MCM3AP: variants seen among roughly 807,000 people sequenced by gnomAD.
MCM3AP encodes minichromosome maintenance complex component 3 associated protein.
MCM3AP carries 126 observed loss-of-function variants against 184.1 expected under a neutral mutation model. The ratio of observed to expected loss-of-function variants is 0.68; its 90% CI spans 0.59 to 0.79. MCM3AP has a LOEUF of 0.79. Ranked by LOEUF, MCM3AP falls within the 30% of genes least tolerant of loss-of-function variation. The pLI, the probability that MCM3AP is intolerant of heterozygous loss-of-function variation, is 0.00. For missense variants in MCM3AP, 2,496 were observed against 2,479.2 expected, an observed-to-expected ratio of 1.01 and a Z score of -0.14; for synonymous variants, 1,002 against 979.3, an observed-to-expected ratio of 1.02 and a Z score of -0.43.
Position 46,284,101 on chromosome 21 carries a change from C to T in MCM3AP, c.1186G>A (p.Glu396Lys), listed in dbSNP as rs118133821. 2,523 of 1,613,918 alleles carry T rather than the reference C, an allele frequency of 1.6e-3. 2 individuals carry two copies. Among genetic ancestry groups the T allele is most frequent in the Non-Finnish European group, 2.1e-3 (2,420 of 1,179,910 alleles). The change falls in exon 1 of 28, where the codon GAG becomes AAG. Residue 396 changes from glutamate (E) to lysine (K), a missense_variant. Transcript: ENST00000291688. ...TTCTCTCTACTTTCAGTTTCTTCCT[C>T]TTTATTCACACCTGGAATCCGGGAA... ...APSRIPGVNK[E>K]EETESREKKE...
At chr21:46,277,241 T>C (rs570531833) in intron 5 of MCM3AP, among the ~76,000 whole-genome samples, 73 of 152,334 alleles carry the variant, frequency 4.8e-4, no homozygotes, top group Admixed American at 2.7e-3. Context: ...CCATAACCTC[T>C]GCCCCTCGGA....
At chr21:46,269,764 G>A (rs2081157588) in intron 9 of MCM3AP, among the ~76,000 whole-genome samples, 1 of 152,222 alleles carries the variant, frequency 6.6e-6, no homozygotes, top group Admixed American at 6.5e-5. Flanking sequence ...GCTCTGTGCG[G>A]TGGGCCGCGG....
At chr21:46,263,780 C>CAAAAAAAAAAAAAAAAAAAAAAAAAA (rs57674256) in intron 13 of MCM3AP, among the ~76,000 whole-genome samples, 1 of 28,316 alleles carries the variant, frequency 3.5e-5, no homozygotes, top group African/African-American at 1.8e-4. Context: ...GACTCCATCT[C>CAAAAAAAAAAAAAAAAAAAAAAAAAA]AAAAAAAAAA....
At chr21:46,274,036 C>T (rs759632757) in intron 6 of MCM3AP, among the ~76,000 whole-genome samples, 10 of 152,228 alleles carry the variant, frequency 6.6e-5, no homozygotes, top group Non-Finnish European at 1.2e-4. Context: ...TTGCATCTCC[C>T]ACCTCAAAAG....
chr21:46,251,713 AAAAC>A (rs1569060054), intron 19 of MCM3AP, 31 bp from the exon 20 acceptor site: 2 of 1,364,078 alleles, frequency 1.5e-6, no homozygotes, highest in Admixed American at 4.2e-5. Flanking sequence ...AAAAACAAAA[AAAAC>A]ACTTGAAGAA....
intron 26 of MCM3AP, among the ~76,000 whole-genome samples, chr21:46,240,245 G>A (rs1414590671): frequency 6.6e-6 from 1 of 152,168 alleles, no homozygotes; most frequent in Non-Finnish European, 1.5e-5. Flanking sequence ...CGTCAGGAAG[G>A]GGATATAGGG....
chr21:46,246,690 A>G lies in MCM3AP; in HGVS notation c.4487T>C (p.Leu1496Pro), dbSNP rs766703569. 1 of 1,614,254 alleles carries G rather than the reference A, an allele frequency of 6.2e-7. No homozygotes were observed. Among genetic ancestry groups the G allele is most frequent in the Non-Finnish European group, 8.5e-7 (1 of 1,180,030 alleles). The stretch of plus-strand genomic sequence containing the variant: ...GCTAGGCACAAGAACCACCAGAGGA[A>G]GCGCAGGCTGGAAGGGCTTAGCCTG... ...LLQAKPFQPA[L>P]PLVVLVPSPG... The change falls in exon 21 of 28, where the codon CTT (leucine) becomes CCT (proline). Residue 1496 changes from leucine (L) to proline (P), a missense_variant. Transcript: ENST00000291688.
chr21:46,261,438 C>G (rs1392723582), intron 13 of MCM3AP, 27 bp from the exon 14 acceptor site: 1 of 1,610,792 alleles, frequency 6.2e-7, no homozygotes, highest in South Asian at 1.1e-5. Flanking sequence ...GGATAGCATT[C>G]AAAATCAGAG....
Position 46,242,844 on chromosome 21 carries a change from G to T in MCM3AP, c.5384C>A (p.Ala1795Asp). ...KYDVPLSWEQ[A>D]RLQTQKELQL... Reference sequence around the variant, plus strand: ...TAGCTCCTTCTGCGTCTGCAACCTGGCTTGTTCCCACGACAAAGGAACATC... The same window carrying T: ...TAGCTCCTTCTGCGTCTGCAACCTGTCTTGTTCCCACGACAAAGGAACATC... Residue 1795 changes from alanine to aspartate, a missense_variant, in exon 25 of 28, where the codon GCC becomes GAC. By Grantham distance (126) the Ala-to-Asp change is moderately radical. Transcript: ENST00000291688. 1 of 1,612,798 alleles carries T rather than the reference G, an allele frequency of 6.2e-7. No individual in the cohort carries two copies. Among genetic ancestry groups the T allele is most frequent in the South Asian group, 1.1e-5 (1 of 90,904 alleles).
rs749466496 is a variant in MCM3AP at position 46,279,995 on chromosome 21, T to C, written c.1665A>G (p.Lys555=). 3.1e-6 allele frequency: 5 copies of C among 1,610,136 alleles called. No homozygotes were observed. In the South Asian group the frequency reaches 5.5e-5, roughly 18 times the overall value. Residue 555 remains lysine (K), a splice_region_variant and synonymous_variant, in exon 4 of 28, where the codon AAA becomes AAG. Coordinates refer to ENST00000291688, the MANE Select transcript of MCM3AP (RefSeq NM_003906.5). ...TCATTAGGAGGGACCGATCCCACCTTTTATTCAGGAGGCTGCTAGCACCAG... is the reference window on the plus strand; with the variant it reads ...TCATTAGGAGGGACCGATCCCACCTCTTATTCAGGAGGCTGCTAGCACCAG... The part of the protein sequence containing the change: ...GRTGASSLLN[K]SSPVKKPSLL...
rs1230448156 is a variant in MCM3AP at position 46,284,701 on chromosome 21, G to T, written c.586C>A (p.Gln196Lys). 6.2e-7 allele frequency: 1 copy of T among 1,614,096 alleles called. No homozygotes were observed. The highest frequency in any genetic ancestry group is 1.7e-5 in the Admixed American group (1 of 60,022). ...GTGGTAGCTGAACTACTTGTTACTT[G>T]AGGAAAAGAGAAAGGGGCCAGGCCT... is the stretch of plus-strand genomic sequence containing the variant. The part of the protein sequence containing the change: ...PGGLAPFSFP[Q>K]VTSSSATTSN... Residue 196 changes from glutamine (Q) to lysine (K), a missense_variant, in exon 1 of 28, where the codon CAA becomes AAA. Around this residue, in one of 5 missense-constraint regions of MCM3AP, gnomAD observed 800 missense variants for 717.1 expected, o/e 1.12. Transcript: ENST00000291688.
intron 24 of MCM3AP, 116 bp from the exon 25 acceptor site, chr21:46,243,047 C>T (rs2080698670): frequency 2.1e-6 from 2 of 947,258 alleles, no homozygotes; most frequent in African/African-American, 3.3e-5. Flanking sequence ...TAAACAGCGA[C>T]AGGTGGCATG....
upstream of MCM3AP, chr21:46,285,921 C>G (rs1227427777): frequency 6.6e-6 from 1 of 152,564 alleles, no homozygotes; most frequent in African/African-American, 2.4e-5. Context: ...GCTGAGGCCT[C>G]TCGGCGGGGA....
intron 19 of MCM3AP, 133 bp downstream of exon 19, chr21:46,254,259 A>C (rs536864433): frequency 1.1e-6 from 1 of 909,326 alleles, no homozygotes; most frequent in East Asian, 2.5e-5. Flanking sequence ...CAGACTGTAA[A>C]TCCAAGCATT....
At chr21:46,251,847 T>G in intron 19 of MCM3AP, 165 bp from the exon 20 acceptor site, 3 of 482,190 alleles carry the variant, frequency 6.2e-6, no homozygotes, top group Non-Finnish European at 7.5e-6. Flanking sequence ...AAACAGGCTG[T>G]TGTTTTAAAA....
At chr21:46,239,989 G>A (rs923722734) in intron 26 of MCM3AP, among the ~76,000 whole-genome samples, 1 of 152,170 alleles carries the variant, frequency 6.6e-6, no homozygotes, top group African/African-American at 2.4e-5. Context: ...AAGCGTTTTT[G>A]AGGAGTTTTA....
chr21:46,276,273 AAAAAG>A (rs1173686895), intron 5 of MCM3AP, among the ~76,000 whole-genome samples: 1 of 147,998 alleles, frequency 6.8e-6, no homozygotes, highest in African/African-American at 2.5e-5. Context: ...GGAAAAAAAA[AAAAAG>A]AAAAATTCTA....
intron 13 of MCM3AP, among the ~76,000 whole-genome samples, chr21:46,261,720 G>A (rs551603610): frequency 2.2e-5 from 3 of 136,052 alleles, no homozygotes; most frequent in Admixed American, 1.5e-4. Context: ...GCGACACAGC[G>A]AGACTCTGTC....
Position 46,243,585 on chromosome 21 carries a change from G to C in MCM3AP, c.5176C>G (p.Pro1726Ala). Residue 1726 changes from proline (P) to alanine (A), a missense_variant, in exon 24 of 28, where the codon CCC (proline) becomes GCC (alanine). Physicochemically the swap from Pro to Ala is conservative, Grantham distance 27. Transcript: ENST00000291688. ...RTYCRWKSKS[P>A]SPVHGAGPSV... is the part of the protein sequence containing the mutation. ...GGGCCTGCCCCATGGACTGGGGAGGGACTCTTGCTCTTCCACCTACAGTAG... is the reference window on the plus strand; with the variant it reads ...GGGCCTGCCCCATGGACTGGGGAGGCACTCTTGCTCTTCCACCTACAGTAG... The C allele has an allele frequency of 6.2e-7, 1 of 1,614,230 alleles. No individual in the cohort carries two copies. Among genetic ancestry groups the C allele is most frequent in the East Asian group, 2.2e-5 (1 of 44,878 alleles).
Sources: gnomAD v4.1 joint callset for allele counts (sites outside exome capture counted in the v4.1 genomes callset) on GRCh38, gnomAD v4.1.1 for gene constraint, gnomAD v4.1.1 regional missense constraint, MANE v1.5 for transcripts, NCBI Gene and HGNC (gene_info 2026-07-23, HGNC 2026-07-21) for gene names.